The following TBC1D12 variants were observed in gnomAD, a reference collection of about 807,000 sequenced individuals.
TBC1D12 encodes TBC1 domain family, member 12.
A neutral mutation model predicts 86.7 loss-of-function variants in TBC1D12; 56 were observed. That is an observed-to-expected ratio of 0.65 (90% CI 0.52 to 0.81). The LOEUF is 0.81. Ranked by LOEUF, TBC1D12 falls within the 30% of genes least tolerant of loss-of-function variation. TBC1D12 has a pLI of 0.00. For synonymous variants in TBC1D12, 421 were observed against 411.7 expected, an observed-to-expected ratio of 1.02 and a Z score of -0.27; for missense variants, 1,023 against 1,038.8, an observed-to-expected ratio of 0.98 and a Z score of 0.21.
At chr10:94,511,505 G>C (rs1376354988) in intron 8 of TBC1D12, 78 bp from the exon 9 acceptor site, 1 of 894,732 alleles carries the variant, frequency 1.1e-6, no homozygotes, top group Non-Finnish European at 1.8e-6. Context: ...AAATGCTACA[G>C]TTTATTAACA....
chr10:94,447,069 A>AC (rs994393391), intron 2 of TBC1D12, among the ~76,000 whole-genome samples: 11 of 151,886 alleles, frequency 7.2e-5, no homozygotes, highest in East Asian at 5.8e-4. Flanking sequence ...AAAAAAAAAA[A>AC]AAAAAAACCT....
intron 2 of TBC1D12, among the ~76,000 whole-genome samples, chr10:94,456,419 CTTT>C (rs1447582267): frequency 3.9e-5 from 6 of 152,112 alleles, no homozygotes; most frequent in African/African-American, 1.4e-4. Flanking sequence ...AAGATTTCTT[CTTT>C]GACACATGTG....
chr10:94,442,104 T>C (rs1193698147), intron 2 of TBC1D12, 85 bp downstream of exon 2: 2 of 1,312,412 alleles, frequency 1.5e-6, no homozygotes, highest in African/African-American at 1.6e-5. Context: ...TTTTTTAAAC[T>C]AACCATATTC....
At chr10:94,442,699 T>C (rs2055399080) in intron 2 of TBC1D12, among the ~76,000 whole-genome samples, 1 of 152,190 alleles carries the variant, frequency 6.6e-6, no homozygotes, top group Non-Finnish European at 1.5e-5. Context: ...AGAGAAGTTA[T>C]TGCTCAGAAG....
chr10:94,475,538 C>A (rs931916944), intron 3 of TBC1D12, among the ~76,000 whole-genome samples: 1 of 152,148 alleles, frequency 6.6e-6, no homozygotes, highest in Non-Finnish European at 1.5e-5. Context: ...TCAAACCATT[C>A]TCTTGGCACA....
chr10:94,518,051 G>C (rs1842046973), intron 9 of TBC1D12, among the ~76,000 whole-genome samples: 1 of 151,970 alleles, frequency 6.6e-6, no homozygotes. Flanking sequence ...TACTCGGGAG[G>C]CTGAGGCAAG....
intron 2 of TBC1D12, among the ~76,000 whole-genome samples, chr10:94,443,714 T>C (rs527902095): frequency 6.6e-6 from 1 of 152,310 alleles, no homozygotes; most frequent in African/African-American, 2.4e-5. Context: ...CATATCTTTG[T>C]GAATCTGTTT....
chr10:94,435,491 T>C (rs2055281384), intron 1 of TBC1D12, among the ~76,000 whole-genome samples: 1 of 152,182 alleles, frequency 6.6e-6, no homozygotes, highest in African/African-American at 2.4e-5. Flanking sequence ...ATAGATCTCA[T>C]TTGCCATTTG....
intron 11 of TBC1D12, among the ~76,000 whole-genome samples, chr10:94,523,043 C>CAAAA (rs35912130): frequency 1.2e-4 from 8 of 64,608 alleles, no homozygotes; most frequent in African/African-American, 3.8e-4. Flanking sequence ...GACTCCAGCT[C>CAAAA]AAAAAAAAAA....
chr10:94,485,887 C>T (rs2056153106), intron 3 of TBC1D12, among the ~76,000 whole-genome samples: 1 of 151,954 alleles, frequency 6.6e-6, no homozygotes, highest in African/African-American at 2.4e-5. Context: ...CTAGATTTTC[C>T]AATTTATCGG....
intron 3 of TBC1D12, among the ~76,000 whole-genome samples, chr10:94,479,546 G>C (rs572512274): frequency 6.6e-6 from 1 of 152,202 alleles, no homozygotes; most frequent in South Asian, 2.1e-4. Flanking sequence ...AAGGAAATAA[G>C]AGAGACTTAA....
chr10:94,448,223 G>A (rs2055498973), intron 2 of TBC1D12, among the ~76,000 whole-genome samples: 1 of 152,110 alleles, frequency 6.6e-6, no homozygotes, highest in Admixed American at 6.6e-5. Flanking sequence ...CAACATTATG[G>A]AAAGGACTAG....
chr10:94,403,618 T>G (rs780778144), intron 1 of TBC1D12, 34 bp downstream of exon 1: 117 of 1,385,812 alleles, frequency 8.4e-5, no homozygotes, highest in East Asian at 3.5e-4. Context: ...TCGGGGCGGG[T>G]CCGGGGCCGG....
intron 6 of TBC1D12, among the ~76,000 whole-genome samples, chr10:94,502,389 T>C (rs1278056001): frequency 1.3e-5 from 2 of 150,182 alleles, no homozygotes; most frequent in Non-Finnish European, 3.0e-5. Context: ...AAAATTAGAA[T>C]AATATCAAAT....
intron 1 of TBC1D12, among the ~76,000 whole-genome samples, chr10:94,410,065 T>G (rs2054910541): frequency 6.6e-6 from 1 of 152,234 alleles, no homozygotes; most frequent in South Asian, 2.1e-4. Flanking sequence ...ACTTTTAAGT[T>G]TTTAGATCTT....
intron 2 of TBC1D12, among the ~76,000 whole-genome samples, chr10:94,463,425 T>G (rs1015139169): frequency 6.6e-6 from 1 of 152,184 alleles, no homozygotes; most frequent in African/African-American, 2.4e-5. Flanking sequence ...GCTGAACATA[T>G]GAGCTCAGGT....
At chr10:94,403,915 C>T (rs2054813025) in intron 1 of TBC1D12, among the ~76,000 whole-genome samples, 1 of 152,074 alleles carries the variant, frequency 6.6e-6, no homozygotes, top group Non-Finnish European at 1.5e-5. Context: ...ATGCAGTTGC[C>T]TTTTCTGGAA....
chr10:94,478,646 A>G (rs1387985994), intron 3 of TBC1D12, among the ~76,000 whole-genome samples: 2 of 152,224 alleles, frequency 1.3e-5, no homozygotes, highest in African/African-American at 2.4e-5. Context: ...GCTTAATCAT[A>G]TACCAATAAA....
At chr10:94,471,308 C>T (rs1018239337) in intron 2 of TBC1D12, among the ~76,000 whole-genome samples, 3 of 150,604 alleles carry the variant, frequency 2.0e-5, no homozygotes, top group Non-Finnish European at 4.4e-5. Context: ...TCATTCCTCT[C>T]GTAGATACAT....
Sources: allele counts gnomAD v4.1 joint callset (sites outside exome capture counted in the v4.1 genomes callset), GRCh38; gene constraint gnomAD v4.1.1; transcripts MANE v1.5; gene names NCBI Gene and HGNC (gene_info 2026-07-23, HGNC 2026-07-21).